Variants in ADGRB3 observed in about 807,000 individuals in gnomAD.
The protein encoded by ADGRB3 is adhesion G protein-coupled receptor B3, also known as brain-specific angiogenesis inhibitor 3.
A neutral mutation model predicts 193.4 loss-of-function variants in ADGRB3; 37 were observed. That is an observed-to-expected ratio of 0.19 (90% CI 0.15 to 0.25). ADGRB3 has a LOEUF of 0.25. Ranked by LOEUF, ADGRB3 falls within the 10% of genes least tolerant of loss-of-function variation. The pLI, the probability that ADGRB3 is intolerant of heterozygous loss-of-function variation, is 1.00. For missense variants in ADGRB3, 1,637 were observed against 1,852.9 expected (o/e 0.88, Z 2.14); for synonymous variants, 690 against 644.2 (o/e 1.07, Z -1.08).
intron 17 of ADGRB3, among the ~76,000 whole-genome samples, chr6:69,214,771 G>A (rs549799388): frequency 6.6e-6 from 1 of 151,306 alleles, no homozygotes; most frequent in Non-Finnish European, 1.5e-5. Context: ...ACCATTAAAA[G>A]TAATGGCAAA....
At chr6:68,657,109 C>T (rs545896112) in intron 3 of ADGRB3, among the ~76,000 whole-genome samples, 2 of 151,438 alleles carry the variant, frequency 1.3e-5, no homozygotes, top group East Asian at 1.9e-4. Flanking sequence ...AATAGGCTTC[C>T]ACTCTTACAT....
chr6:68,866,894 A>G (rs1045335161), intron 3 of ADGRB3, among the ~76,000 whole-genome samples: 3 of 152,224 alleles, frequency 2.0e-5, no homozygotes, highest in Non-Finnish European at 4.4e-5. Flanking sequence ...AAGATGTAAT[A>G]TGGCTGCTCC....
At chr6:68,923,663 A>G (rs1767106271) in intron 3 of ADGRB3, among the ~76,000 whole-genome samples, 1 of 152,080 alleles carries the variant, frequency 6.6e-6, no homozygotes, top group Non-Finnish European at 1.5e-5. Flanking sequence ...CACTGTTATA[A>G]TAAATGATAA....
At chr6:68,990,360 T>G (rs1769200945) in intron 10 of ADGRB3, among the ~76,000 whole-genome samples, 1 of 152,128 alleles carries the variant, frequency 6.6e-6, no homozygotes, top group Admixed American at 6.6e-5. Flanking sequence ...ACGAATAGTC[T>G]CACCAGTGTG....
intron 3 of ADGRB3, among the ~76,000 whole-genome samples, chr6:68,743,368 T>C (rs890935806): frequency 5.3e-5 from 8 of 151,772 alleles, no homozygotes; most frequent in Admixed American, 2.6e-4. Flanking sequence ...TGTGTGTATA[T>C]CCAGAAATTC....
intron 17 of ADGRB3, among the ~76,000 whole-genome samples, chr6:69,115,832 A>C (rs920558653): frequency 2.6e-5 from 4 of 152,218 alleles, no homozygotes; most frequent in African/African-American, 7.2e-5. Context: ...CATGGCTGGC[A>C]TATGAGTTAA....
chr6:68,932,960 CAG>C (rs1767382424), intron 4 of ADGRB3, among the ~76,000 whole-genome samples: 1 of 149,460 alleles, frequency 6.7e-6, no homozygotes, highest in Admixed American at 6.7e-5. Flanking sequence ...AATCTTTCTA[CAG>C]AGTGATAAAG....
At chr6:68,869,676 A>C (rs1765402951) in intron 3 of ADGRB3, among the ~76,000 whole-genome samples, 1 of 151,644 alleles carries the variant, frequency 6.6e-6, no homozygotes, top group Non-Finnish European at 1.5e-5. Context: ...TCACATATGA[A>C]AAATTAAAAG....
intron 13 of ADGRB3, among the ~76,000 whole-genome samples, chr6:69,023,759 C>T (rs1770341255): frequency 6.6e-6 from 1 of 151,928 alleles, no homozygotes; most frequent in South Asian, 2.1e-4. Context: ...AGATAGAAGG[C>T]TTTTAATAGT....
intron 17 of ADGRB3, among the ~76,000 whole-genome samples, chr6:69,091,084 G>A (rs371503013): frequency 1.5e-3 from 221 of 152,214 alleles, no homozygotes; most frequent in African/African-American, 4.7e-3. Context: ...TCAAAACCAC[G>A]TGAGACACCA....
Position 69,373,454 on chromosome 6 carries a change from A to C in ADGRB3, c.4275+1013A>C, listed in dbSNP as rs1769747885. Among the ~76,000 whole-genome samples, 2 of 152,098 alleles carry C rather than the reference A, an allele frequency of 1.3e-5. 1 individual carries two copies. Among genetic ancestry groups the C allele is most frequent in the South Asian group, 4.1e-4 (2 of 4,834 alleles). ...CCAAGGATAATTGGTTCTTTTCAGT[A>C]ACATTTCAGACTACAAGATACAAAG... is the stretch of plus-strand genomic sequence containing the variant. On this transcript the variant is annotated intron_variant, in intron 30 of 31. Transcript: ENST00000370598.
At chr6:68,712,095 A>G (rs1765417258) in intron 3 of ADGRB3, among the ~76,000 whole-genome samples, 1 of 152,086 alleles carries the variant, frequency 6.6e-6, no homozygotes, top group African/African-American at 2.4e-5. Flanking sequence ...TCCAAAAATA[A>G]TGACTGAGGG....
At chr6:69,260,471 C>A (rs183410674) in intron 20 of ADGRB3, among the ~76,000 whole-genome samples, 1 of 152,132 alleles carries the variant, frequency 6.6e-6, no homozygotes, top group Non-Finnish European at 1.5e-5. Flanking sequence ...TCCTTCTAGA[C>A]GCTATTTCAG....
chr6:69,269,482 T>C (rs1279914526), intron 20 of ADGRB3, among the ~76,000 whole-genome samples: 3 of 152,176 alleles, frequency 2.0e-5, no homozygotes, highest in Non-Finnish European at 2.9e-5. Flanking sequence ...ATGTTCAAAA[T>C]TAGTTATACT....
At chr6:68,877,236 C>T (rs781654637) in intron 3 of ADGRB3, among the ~76,000 whole-genome samples, 1 of 151,392 alleles carries the variant, frequency 6.6e-6, no homozygotes, top group Non-Finnish European at 1.5e-5. Context: ...AAATAATCTA[C>T]GTACTTTTTT....
chr6:69,180,879 C>T (rs1003586578), intron 17 of ADGRB3, among the ~76,000 whole-genome samples: 3 of 152,116 alleles, frequency 2.0e-5, no homozygotes, highest in South Asian at 2.1e-4. Context: ...TTGTATGCCC[C>T]GGGATTAAAA....
intron 20 of ADGRB3, among the ~76,000 whole-genome samples, chr6:69,274,445 T>TTTCC (rs550005820): frequency 0.023 from 2,780 of 123,396 alleles, 72 homozygotes; most frequent in Non-Finnish European, 0.031. Context: ...GGTGGTTGCA[T>TTTCC]TTCCTTCCTT....
chr6:68,731,017 A>C (rs559538761), intron 3 of ADGRB3, among the ~76,000 whole-genome samples: 1 of 151,752 alleles, frequency 6.6e-6, no homozygotes, highest in East Asian at 1.9e-4. Context: ...GAGAAAACAA[A>C]AAGAAATAAG....
At chr6:68,671,642 G>A (rs1038820591) in intron 3 of ADGRB3, among the ~76,000 whole-genome samples, 12 of 151,954 alleles carry the variant, frequency 7.9e-5, no homozygotes, top group Non-Finnish European at 1.5e-4. Context: ...TTAATGTATT[G>A]TTGAATTTGA....
Sources: gnomAD v4.1 joint callset for allele counts (sites outside exome capture counted in the v4.1 genomes callset) on GRCh38, gnomAD v4.1.1 for gene constraint, MANE v1.5 for transcripts, NCBI Gene and HGNC (gene_info 2026-07-23, HGNC 2026-07-21) for gene names.